The following CNTNAP2 variants were observed in gnomAD, a reference collection of about 807,000 sequenced individuals.
The protein encoded by CNTNAP2 is contactin-associated protein-like 2.
Under a neutral mutation model 155.2 loss-of-function variants are expected in CNTNAP2, and 98 were observed. The observed-to-expected ratio is 0.63, with a 90% confidence interval of 0.54 to 0.75. The LOEUF is 0.75. CNTNAP2 is among the 30% of genes least tolerant of loss of function. The pLI, the probability that CNTNAP2 is intolerant of heterozygous loss-of-function variation, is 0.00. For synonymous variants in CNTNAP2, 651 were observed against 631.2 expected (o/e 1.03, Z -0.47); for missense variants, 1,727 against 1,688.1 (o/e 1.02, Z -0.40).
intron 1 of CNTNAP2, among the ~76,000 whole-genome samples, chr7:146,354,066 A>G (rs563042116): frequency 1.3e-5 from 2 of 152,268 alleles, no homozygotes; most frequent in South Asian, 2.1e-4. Context: ...TTTACACTCA[A>G]CGAGATAATC....
chr7:148,353,610 G>A (rs142617494), intron 21 of CNTNAP2, among the ~76,000 whole-genome samples: 2 of 152,246 alleles, frequency 1.3e-5, no homozygotes, highest in South Asian at 2.1e-4. Flanking sequence ...TTTTGGTAGG[G>A]TGAAAGTTTC....
At chr7:147,574,707 A>G (rs914473747) in intron 12 of CNTNAP2, among the ~76,000 whole-genome samples, 20 of 152,202 alleles carry the variant, frequency 1.3e-4, no homozygotes, top group African/African-American at 4.1e-4. Flanking sequence ...GTCTAACAGC[A>G]TGAACATTCA....
intron 1 of CNTNAP2, among the ~76,000 whole-genome samples, chr7:146,715,568 A>G (rs1324915870): frequency 2.0e-5 from 3 of 152,106 alleles, no homozygotes; most frequent in Non-Finnish European, 4.4e-5. Flanking sequence ...CAAACTCCCT[A>G]CAGGCCATAC....
intron 3 of CNTNAP2, among the ~76,000 whole-genome samples, chr7:146,898,758 G>C (rs1795932305): frequency 6.6e-6 from 1 of 151,742 alleles, no homozygotes; most frequent in Non-Finnish European, 1.5e-5. Flanking sequence ...TTTGTGACTT[G>C]TTTAACCGAT....
chr7:148,275,852 G>A (rs951624445), intron 21 of CNTNAP2, among the ~76,000 whole-genome samples: 2 of 152,206 alleles, frequency 1.3e-5, no homozygotes, highest in African/African-American at 4.8e-5. Flanking sequence ...CCAAGAGAGA[G>A]GAAGCAGACC....
chr7:147,121,083 A>T lies in CNTNAP2; in HGVS notation c.859A>T (p.Ser287Cys). The change falls in exon 6 of 24, where the codon AGC becomes TGC. Residue 287 changes from serine (S) to cysteine (C), a missense_variant. By Grantham distance (112) the Ser-to-Cys change is moderately radical (BLOSUM62 -1). Transcript: ENST00000361727. ...TGTGGTCATTGAGCGCCAGGGGCGG[A>T]GCATTAACCTCACTCTGGACAGGAG... ...HSVVIERQGR[S>C]INLTLDRSMQ... 1 of 1,614,142 alleles carries T rather than the reference A, an allele frequency of 6.2e-7. No homozygotes were observed. The highest frequency in any genetic ancestry group is 2.2e-5 in the East Asian group (1 of 44,870).
intron 8 of CNTNAP2, among the ~76,000 whole-genome samples, chr7:147,151,313 G>A (rs1357312980): frequency 6.6e-6 from 1 of 152,050 alleles, no homozygotes; most frequent in Non-Finnish European, 1.5e-5. Flanking sequence ...ACGCTAAGAG[G>A]GAACTGGTGT....
At chr7:146,245,516 T>C (rs1193524486) in intron 1 of CNTNAP2, among the ~76,000 whole-genome samples, 1 of 152,116 alleles carries the variant, frequency 6.6e-6, no homozygotes, top group Non-Finnish European at 1.5e-5. Context: ...TCCAGTTGTT[T>C]GCGCAGAAAG....
intron 1 of CNTNAP2, among the ~76,000 whole-genome samples, chr7:146,645,930 T>C (rs1031835888): frequency 2.0e-5 from 3 of 152,188 alleles, no homozygotes; most frequent in Non-Finnish European, 2.9e-5. Context: ...CTGTGAGCTC[T>C]CTGAACTATA....
At chr7:147,063,009 G>C (rs1280015098) in intron 4 of CNTNAP2, among the ~76,000 whole-genome samples, 1 of 152,060 alleles carries the variant, frequency 6.6e-6, no homozygotes, top group African/African-American at 2.4e-5. Context: ...CTGGAGTCAC[G>C]GAGCCAGAAA....
At chr7:148,393,916 T>C (rs150112439) in intron 22 of CNTNAP2, among the ~76,000 whole-genome samples, 2 of 152,044 alleles carry the variant, frequency 1.3e-5, no homozygotes, top group Non-Finnish European at 2.9e-5. Context: ...TTTATATCTT[T>C]ATATTCTTTC....
Position 147,479,988 on chromosome 7 carries a change from A to G in CNTNAP2, c.1671-5947A>G, listed in dbSNP as rs192196869. ...ATAAAATAAATAGAAGACACTCCAT[A>G]GAGAATATCCTTTCAACTGAAATCA... On this transcript the variant is annotated intron_variant, in intron 10 of 23. Coordinates refer to ENST00000361727, the MANE Select transcript of CNTNAP2 (RefSeq NM_014141.6). Among the ~76,000 whole-genome samples, 296 of 152,284 alleles carry G rather than the reference A, an allele frequency of 1.9e-3. 1 individual carries two copies. Among genetic ancestry groups the G allele is most frequent in the Non-Finnish European group, 1.8e-3 (120 of 68,010 alleles).
At chr7:147,384,024 C>T (rs1017013510) in intron 9 of CNTNAP2, among the ~76,000 whole-genome samples, 1 of 151,962 alleles carries the variant, frequency 6.6e-6, no homozygotes, top group South Asian at 2.1e-4. Flanking sequence ...CTGGGAGGGC[C>T]TCTTGGAAGG....
At position 146,187,333 on chromosome 7, in the gene CNTNAP2, G is replaced by A. The variant is rs905656577; in HGVS notation, c.97+70360G>A. On this transcript the variant is annotated intron_variant, in intron 1 of 23. Transcript: ENST00000361727. ...CATGTGGGAGGTAGACCACACTGTTGGCAGGCCTGATGGCTGCTTTTGGCA... is the reference window on the plus strand; with the variant it reads ...CATGTGGGAGGTAGACCACACTGTTAGCAGGCCTGATGGCTGCTTTTGGCA... Among the ~76,000 whole-genome samples the A allele has an allele frequency of 2.0e-5, 3 of 152,138 alleles. 1 individual carries two copies. The highest frequency in any genetic ancestry group is 2.0e-4 in the Admixed American group (3 of 15,272).
rs56768185 is a variant in CNTNAP2 at position 147,225,742 on chromosome 7, AGAAGGAAGGAAGGAAGGAAGGAAG to A, written c.1349-74363_1349-74340del. Among the ~76,000 whole-genome samples, 412 of 103,878 alleles carry A rather than the reference AGAAGGAAGGAAGGAAGGAAGGAAG, an allele frequency of 4.0e-3. 1 individual carries two copies. Among genetic ancestry groups the A allele is most frequent in the African/African-American group, 0.012 (344 of 28,318 alleles). The allele number at this position is 103,878 out of a possible 152,430, so 68.1% of individuals were successfully genotyped here. Reference sequence around the variant, plus strand: ...CCAAGTACTTTAAGTTAGGAAGGAAAGAAGGAAGGAAGGAAGGAAGGAAGGAAGGAAGGAAGGAAGGAAGGAAGG... The same window carrying A: ...CCAAGTACTTTAAGTTAGGAAGGAAAGAAGGAAGGAAGGAAGGAAGGAAGG... On this transcript the variant is annotated intron_variant, in intron 8 of 23. Coordinates refer to ENST00000361727, the MANE Select transcript of CNTNAP2 (RefSeq NM_014141.6).
intron 13 of CNTNAP2, among the ~76,000 whole-genome samples, chr7:147,883,751 C>CT (rs1181038246): frequency 6.6e-6 from 1 of 151,690 alleles, no homozygotes; most frequent in Non-Finnish European, 1.5e-5. Flanking sequence ...TTTATTTTCT[C>CT]TTTTTTCTTT....
At position 146,325,526 on chromosome 7, in the gene CNTNAP2, A is replaced by G. The variant is rs559093363; in HGVS notation, c.97+208553A>G. Among the ~76,000 whole-genome samples the G allele has an allele frequency of 2.6e-3, 390 of 152,146 alleles. 2 individuals are homozygous for G. Among genetic ancestry groups the G allele is most frequent in the African/African-American group, 8.6e-3 (356 of 41,494 alleles). On this transcript the variant is annotated intron_variant, in intron 1 of 23. Transcript: ENST00000361727. The stretch of plus-strand genomic sequence containing the variant: ...TACATATGTTTTTATAGCCCCTTGT[A>G]TAATTTCTATTTAGAATCTCAGTTG...
chr7:148,217,832 T>C (rs1795672866), intron 19 of CNTNAP2, among the ~76,000 whole-genome samples: 1 of 152,226 alleles, frequency 6.6e-6, no homozygotes, highest in Non-Finnish European at 1.5e-5. Context: ...CCCTACTAAA[T>C]AAACACATTT....
rs188929417 is a variant in CNTNAP2, at chr7:147,007,225, G to C, written c.403-36682G>C. 1.1e-3 allele frequency among the ~76,000 whole-genome samples: 173 copies of C among 152,204 alleles called. 1 individual carries two copies. Among genetic ancestry groups the C allele is most frequent in the African/African-American group, 3.7e-3 (155 of 41,546 alleles). ...AAGTCCCTATTGAAGTGATTTTTCT[G>C]CTAGGGCCAGGTAAGTCTCAGTGAG... On this transcript the variant is annotated intron_variant, in intron 3 of 23. Transcript: ENST00000361727.
Sources: allele counts gnomAD v4.1 joint callset (sites outside exome capture counted in the v4.1 genomes callset), GRCh38; gene constraint gnomAD v4.1.1; transcripts MANE v1.5; gene names NCBI Gene and HGNC (gene_info 2026-07-23, HGNC 2026-07-21).